The following SDCCAG8 variants were observed in gnomAD, a reference collection of about 807,000 sequenced individuals.
SDCCAG8 encodes the protein SHH signaling and ciliogenesis regulator SDCCAG8.
Under a neutral mutation model 101.8 loss-of-function variants are expected in SDCCAG8, and 74 were observed. That is an observed-to-expected ratio of 0.73 (90% CI 0.60 to 0.88). The LOEUF is 0.88. Among genes scored for constraint, SDCCAG8 ranks in the 40% least tolerant of loss-of-function variants. The probability of loss-of-function intolerance (pLI) is 0.00; values close to 1 mark genes in which losing one functional copy is unlikely to be tolerated. For synonymous variants in SDCCAG8, 281 were observed against 292.9 expected (o/e 0.96, Z 0.41); for missense variants, 787 against 822.6 (o/e 0.96, Z 0.53).
At chr1:243,484,539 C>T (rs1451070413) in intron 16 of SDCCAG8, among the ~76,000 whole-genome samples, 1 of 152,228 alleles carries the variant, frequency 6.6e-6, no homozygotes, top group Non-Finnish European at 1.5e-5. Flanking sequence ...GCTCAGCATA[C>T]GACGATCATG....
At position 243,316,800 on chromosome 1, in the gene SDCCAG8, C is replaced by G. The variant is rs747505682; in HGVS notation, c.975C>G (p.Ser325Arg). The change falls in exon 9 of 18, where the codon AGC (serine) becomes AGG (arginine). Residue 325 changes from serine (S) to arginine (R), a missense_variant. Coordinates refer to ENST00000366541, the MANE Select transcript of SDCCAG8 (RefSeq NM_006642.5). The stretch of plus-strand genomic sequence containing the variant: ...CTGCACTAGTTTCCGTAAGGAGCAG[C>G]TTGGCAGATACGCAGCAAAGAGAAG... The part of the protein sequence containing the change: ...LMSALVSVRS[S>R]LADTQQREAS... The G allele has an allele frequency of 5.0e-6, 8 of 1,613,976 alleles. No individual in the cohort carries two copies. The highest frequency in any genetic ancestry group is 6.8e-6 in the Non-Finnish European group (8 of 1,179,978).
At chr1:243,425,816 A>G (rs761687650) in intron 15 of SDCCAG8, among the ~76,000 whole-genome samples, 2 of 152,110 alleles carry the variant, frequency 1.3e-5, no homozygotes, top group Non-Finnish European at 2.9e-5. Context: ...TTCTATTAAG[A>G]CCTTCAGTGG....
intron 10 of SDCCAG8, among the ~76,000 whole-genome samples, chr1:243,333,925 A>T (rs1441462095): frequency 2.6e-5 from 4 of 152,200 alleles, no homozygotes; most frequent in African/African-American, 9.7e-5. Context: ...ATGTATATAT[A>T]GCCTTAGGAC....
chr1:243,324,991 T>A (rs2074043792), intron 9 of SDCCAG8, among the ~76,000 whole-genome samples: 2 of 152,230 alleles, frequency 1.3e-5, no homozygotes, highest in Non-Finnish European at 2.9e-5. Context: ...GTGGCAGTCT[T>A]CCTGAAGTTT....
chr1:243,401,445 C>T (rs2079391050), intron 13 of SDCCAG8, among the ~76,000 whole-genome samples: 1 of 152,076 alleles, frequency 6.6e-6, no homozygotes, highest in African/African-American at 2.4e-5. Context: ...TCGTTTCTTA[C>T]TAGAAACAAG....
intron 16 of SDCCAG8, among the ~76,000 whole-genome samples, chr1:243,447,248 C>T (rs866454069): frequency 2.4e-5 from 1 of 41,380 alleles, no homozygotes; most frequent in African/African-American, 1.3e-4. Context: ...GACTTCGTCT[C>T]AAAAAAAAAA....
intron 16 of SDCCAG8, among the ~76,000 whole-genome samples, chr1:243,478,922 C>T (rs539641996): frequency 7.8e-5 from 11 of 140,158 alleles, no homozygotes; most frequent in Non-Finnish European, 1.7e-4. Flanking sequence ...TGTGCCACTG[C>T]ACTCCAGCCT....
At chr1:243,328,127 C>T (rs1047988135) in intron 9 of SDCCAG8, among the ~76,000 whole-genome samples, 6 of 152,168 alleles carry the variant, frequency 3.9e-5, no homozygotes, top group South Asian at 2.1e-4. Flanking sequence ...TGGTCTCGAT[C>T]TCCTGACCTC....
chr1:243,308,550 G>A (rs935577292), intron 8 of SDCCAG8, among the ~76,000 whole-genome samples: 2 of 152,126 alleles, frequency 1.3e-5, no homozygotes, highest in African/African-American at 4.8e-5. Context: ...AATTCCTTTG[G>A]TTTTGCCATA....
chr1:243,499,995 G>GTATGTT lies in SDCCAG8; in HGVS notation c.*212_*217dup. On this transcript the variant is annotated 3_prime_UTR_variant, in exon 18 of 18. Transcript: ENST00000366541. ...ACTCTAGCTGAGCAGAGCTCCTGGT[G>GTATGTT]TATGTTTTCAGAAATGGCTTGAAGT... 3.3e-6 allele frequency: 2 copies of GTATGTT among 599,780 alleles called. No homozygotes were observed. Among genetic ancestry groups the GTATGTT allele is most frequent in the Non-Finnish European group, 6.0e-6 (2 of 335,660 alleles). The allele number at this position is 599,780 out of a possible 1,614,324, so 37.2% of individuals were successfully genotyped here.
At chr1:243,267,293 ATTC>A (rs1470631656) in intron 1 of SDCCAG8, 5 of 217,860 alleles carry the variant, frequency 2.3e-5, no homozygotes, top group East Asian at 2.9e-4. Context: ...AATCTTATGG[ATTC>A]TTCTTTTAAG....
intron 10 of SDCCAG8, among the ~76,000 whole-genome samples, chr1:243,333,439 A>T (rs917764035): frequency 6.6e-6 from 1 of 152,238 alleles, no homozygotes; most frequent in Non-Finnish European, 1.5e-5. Context: ...TCCAGGTGTC[A>T]GTGTGTTTGA....
chr1:243,420,110 T>C (rs575649822), intron 15 of SDCCAG8, among the ~76,000 whole-genome samples: 33 of 152,354 alleles, frequency 2.2e-4, no homozygotes, highest in African/African-American at 7.5e-4. Context: ...TGTCCCATTG[T>C]TGATGGCTGA....
intron 8 of SDCCAG8, among the ~76,000 whole-genome samples, chr1:243,309,116 A>G (rs1179061366): frequency 6.6e-6 from 1 of 152,162 alleles, no homozygotes; most frequent in Non-Finnish European, 1.5e-5. Context: ...TGTTGTTTGG[A>G]GGAAAATACC....
At chr1:243,292,105 AC>A (rs1300625101) in intron 5 of SDCCAG8, among the ~76,000 whole-genome samples, 1 of 152,228 alleles carries the variant, frequency 6.6e-6, no homozygotes, top group East Asian at 1.9e-4. Context: ...TGGGTACACC[AC>A]CCTCTTGGCA....
At chr1:243,396,691 T>A (rs1168892928) in intron 13 of SDCCAG8, among the ~76,000 whole-genome samples, 1 of 152,220 alleles carries the variant, frequency 6.6e-6, no homozygotes, top group Non-Finnish European at 1.5e-5. Context: ...TTCTTAGACA[T>A]ATAGTTCATA....
At position 243,499,929 on chromosome 1, in the gene SDCCAG8, G is replaced by A. The variant is rs913554173; in HGVS notation, c.*144G>A. On this transcript the variant is annotated 3_prime_UTR_variant, in exon 18 of 18. Coordinates refer to ENST00000366541, the MANE Select transcript of SDCCAG8 (RefSeq NM_006642.5). The stretch of plus-strand genomic sequence containing the variant: ...AGTGGGGCTGGTCCTCATCAACGCG[G>A]GCGCTGTCCCCGCACGCAGTCGGGC... 2 of 759,744 alleles carry A rather than the reference G, an allele frequency of 2.6e-6. No homozygotes were observed. The highest frequency in any genetic ancestry group is 4.6e-6 in the Non-Finnish European group (2 of 436,012). 47.1% of individuals were successfully genotyped at this position (759,744 alleles called of 1,614,324 possible). A position where few individuals can be genotyped will look rare whatever the true frequency, so the allele number is the denominator to read the frequency against.
chr1:243,317,206 T>C (rs989972182), intron 9 of SDCCAG8, among the ~76,000 whole-genome samples: 1 of 152,216 alleles, frequency 6.6e-6, no homozygotes, highest in African/African-American at 2.4e-5. Context: ...CACCCAGGCA[T>C]TAGTTTGTAT....
intron 16 of SDCCAG8, among the ~76,000 whole-genome samples, chr1:243,446,842 G>A (rs181642566): frequency 3.6e-4 from 55 of 152,274 alleles, no homozygotes; most frequent in Middle Eastern, 3.4e-3. Context: ...AGGCTTTCTC[G>A]GATGGGGACC....
Sources: allele counts gnomAD v4.1 joint callset (sites outside exome capture counted in the v4.1 genomes callset), GRCh38; gene constraint gnomAD v4.1.1; transcripts MANE v1.5; gene names NCBI Gene and HGNC (gene_info 2026-07-23, HGNC 2026-07-21).